Variants in HMGB1 observed in about 807,000 individuals in gnomAD.
HMGB1 encodes the protein high mobility group box 1.
For synonymous variants in HMGB1, 81 were observed against 84.0 expected (o/e 0.96, Z 0.19); for missense variants, 79 against 253.5 (o/e 0.31, Z 4.67).
intron 1 of HMGB1, among the ~76,000 whole-genome samples, chr13:30,614,873 ATTTT>A (rs34422229): frequency 1.7e-5 from 2 of 116,156 alleles, no homozygotes; most frequent in Admixed American, 8.6e-5. Context: ...TAATTTTTGT[ATTTT>A]TTTTTTTTTT....
chr13:30,538,557 T>C (rs180844144), intron 1 of HMGB1, among the ~76,000 whole-genome samples: 2,230 of 108,578 alleles, frequency 0.021, 331 homozygotes, highest in African/African-American at 0.11. Flanking sequence ...TTCTTTCTTT[T>C]TCTTTCTTCT....
At chr13:30,519,520 C>T (rs1396992412) in intron 1 of HMGB1, among the ~76,000 whole-genome samples, 1 of 145,812 alleles carries the variant, frequency 6.9e-6, no homozygotes, top group South Asian at 2.2e-4. Flanking sequence ...ACAGTGAAAC[C>T]CTGTCTCTAC....
intron 1 of HMGB1, among the ~76,000 whole-genome samples, chr13:30,567,642 G>A (rs776854743): frequency 6.6e-6 from 1 of 152,080 alleles, no homozygotes; most frequent in Non-Finnish European, 1.5e-5. Flanking sequence ...GAACCACTGC[G>A]CCCAGCCTGT....
At chr13:30,466,955 A>G (rs1886804807), upstream of HMGB1, among the ~76,000 whole-genome samples, 1 of 152,234 alleles carries the variant, frequency 6.6e-6, no homozygotes, top group South Asian at 2.1e-4. Flanking sequence ...TAACTGCTCT[A>G]GGATTACAGG....
chr13:30,601,285 C>T (rs1199711161), intron 1 of HMGB1, among the ~76,000 whole-genome samples: 2 of 152,202 alleles, frequency 1.3e-5, no homozygotes, highest in Non-Finnish European at 2.9e-5. Context: ...TCTGACTCAG[C>T]CCGCCTGCAC....
upstream of HMGB1, among the ~76,000 whole-genome samples, chr13:30,468,324 C>T (rs1287294461): frequency 6.6e-6 from 1 of 152,118 alleles, no homozygotes; most frequent in Non-Finnish European, 1.5e-5. Flanking sequence ...GGTGCAATCT[C>T]GGCTCACTGC....
In HMGB1 at chr13:30,600,502, C is replaced by G. The variant is rs143779741; in HGVS notation, c.-15+16169G>C. 3.9e-5 allele frequency among the ~76,000 whole-genome samples: 6 copies of G among 152,154 alleles called. No individual in the cohort carries two copies. In the East Asian group the frequency reaches 7.7e-4, roughly 20 times the overall value. On this transcript the variant is annotated intron_variant, in intron 1 of 4. Transcript: ENST00000405805. Reference sequence around the variant, plus strand: ...TGAAATTAACATTTTTGAGTACCTGCTAGGAATCAAGTATTCTGCTAGATA... The same window carrying G: ...TGAAATTAACATTTTTGAGTACCTGGTAGGAATCAAGTATTCTGCTAGATA...
At chr13:30,462,024 A>C (rs1886374779) in intron 4 of HMGB1, among the ~76,000 whole-genome samples, 5 of 152,212 alleles carry the variant, frequency 3.3e-5, no homozygotes, top group Admixed American at 2.6e-4. Context: ...GCTGAAAATT[A>C]AGTATTTAAT....
chr13:30,512,101 C>T (rs964803764), intron 1 of HMGB1, among the ~76,000 whole-genome samples: 2 of 151,664 alleles, frequency 1.3e-5, no homozygotes, highest in Admixed American at 1.3e-4. Flanking sequence ...ATCACTTGAG[C>T]TCAGGAGTTC....
At chr13:30,585,148 T>TA (rs534951749) in intron 1 of HMGB1, among the ~76,000 whole-genome samples, 1,807 of 134,218 alleles carry the variant, frequency 0.013, 31 homozygotes, top group African/African-American at 0.044. Flanking sequence ...ATACCTCATC[T>TA]AAAAAAAAAA....
At chr13:30,498,212 T>C (rs9579584) in intron 1 of HMGB1, among the ~76,000 whole-genome samples, 54,381 of 151,938 alleles carry the variant, frequency 0.36, 10,846 homozygotes, top group Middle Eastern at 0.54. Flanking sequence ...GCCAGCTACT[T>C]GGGAGGCTGA....
intron 1 of HMGB1, among the ~76,000 whole-genome samples, chr13:30,478,870 T>TC (rs1228793636): frequency 1.5e-5 from 2 of 130,820 alleles, no homozygotes; most frequent in Non-Finnish European, 3.5e-5. Context: ...TCTTTTCTTT[T>TC]CTTTTTTTTT....
intron 1 of HMGB1, among the ~76,000 whole-genome samples, chr13:30,601,287 C>T (rs996843963): frequency 2.0e-5 from 3 of 152,156 alleles, no homozygotes; most frequent in African/African-American, 7.2e-5. Flanking sequence ...TGACTCAGCC[C>T]GCCTGCACCC....
upstream of HMGB1, among the ~76,000 whole-genome samples, chr13:30,467,934 G>A (rs1403428672): frequency 6.6e-6 from 1 of 152,112 alleles, no homozygotes; most frequent in African/African-American, 2.4e-5. Flanking sequence ...GCCCACACAA[G>A]GTTTCTATTT....
At chr13:30,613,123 A>G (rs1950528467) in intron 1 of HMGB1, among the ~76,000 whole-genome samples, 1 of 152,136 alleles carries the variant, frequency 6.6e-6, no homozygotes, top group Admixed American at 6.5e-5. Flanking sequence ...TCTGTGGTCC[A>G]GGCTGGAGTG....
chr13:30,561,254 C>G (rs1233312067), intron 1 of HMGB1, among the ~76,000 whole-genome samples: 4 of 152,100 alleles, frequency 2.6e-5, no homozygotes, highest in Non-Finnish European at 5.9e-5. Context: ...ACTTTCTAGT[C>G]TGGAGCTCAG....
chr13:30,532,720 G>C (rs1282514053), intron 1 of HMGB1, among the ~76,000 whole-genome samples: 1 of 152,086 alleles, frequency 6.6e-6, no homozygotes, highest in Non-Finnish European at 1.5e-5. Context: ...TGTTAGCTAG[G>C]CTGGTCTCAA....
chr13:30,485,220 A>G (rs1414602364), intron 1 of HMGB1, among the ~76,000 whole-genome samples: 1 of 151,924 alleles, frequency 6.6e-6, no homozygotes, highest in Admixed American at 6.6e-5. Context: ...TTAGTAGAGA[A>G]GGGTTTCACC....
At chr13:30,538,498 C>CTTTCTTTCT in intron 1 of HMGB1, among the ~76,000 whole-genome samples, 1 of 15,840 alleles carries the variant, frequency 6.3e-5, no homozygotes, top group African/African-American at 1.0e-4. Context: ...TTCTTTCTTT[C>CTTTCTTTCT]TTTCTTTCTT....
Sources: gnomAD v4.1 joint callset for allele counts (sites outside exome capture counted in the v4.1 genomes callset) on GRCh38, gnomAD v4.1.1 for gene constraint, MANE v1.5 for transcripts, NCBI Gene and HGNC (gene_info 2026-07-23, HGNC 2026-07-21) for gene names.